MYO1A: variants seen among roughly 807,000 people sequenced by gnomAD.
The protein encoded by MYO1A is myosin IA.
In MYO1A, 127 loss-of-function variants were observed where a neutral mutation model predicts 138.5. That is an observed-to-expected ratio of 0.92 (90% confidence interval 0.79 to 1.06). The LOEUF (loss-of-function observed/expected upper bound fraction) is 1.06. Ranked by LOEUF, MYO1A falls within the 50% of genes least tolerant of loss-of-function variation. MYO1A has a pLI of 0.00. For synonymous variants in MYO1A, 477 were observed against 497.5 expected, an observed-to-expected ratio of 0.96 and a Z score of 0.55; for missense variants, 1,211 against 1,288.8, an observed-to-expected ratio of 0.94 and a Z score of 0.92.
Position 57,031,021 on chromosome 12 carries a change from G to A in MYO1A, c.2484+19C>T, listed in dbSNP as rs755331612. 6.2e-6 allele frequency: 10 copies of A among 1,612,226 alleles called. No individual in the cohort carries two copies. The Admixed American group carries it at 1.7e-4, about 27-fold the overall frequency. ...AAAAAAAGACGAAATGAGAGGAGGG[G>A]TGCCTGGGCTCCACTTGCCTTCCAC... On this transcript the variant is annotated intron_variant, in intron 23 of 27. Coordinates refer to ENST00000300119, the MANE Select transcript of MYO1A (RefSeq NM_005379.4).
At chr12:57,037,116 C>A (rs373818047) in intron 19 of MYO1A, 25 bp from the exon 20 acceptor site, 1 of 1,613,568 alleles carries the variant, frequency 6.2e-7, no homozygotes, top group Non-Finnish European at 8.5e-7. Flanking sequence ...AAGGGGGTGA[C>A]AGAGAGACTG....
intron 14 of MYO1A, 118 bp from the exon 15 acceptor site, chr12:57,039,392 A>T: frequency 1.2e-6 from 1 of 801,610 alleles, no homozygotes; most frequent in Non-Finnish European, 2.2e-6. Context: ...CATAGTTCAC[A>T]GGGGTCCTTG....
Position 57,038,559 on chromosome 12 carries a change from G to A in MYO1A, c.1613C>T (p.Ala538Val). ...FRDLLQAMWK[A>V]QHPLLRSLFP... The stretch of plus-strand genomic sequence containing the variant: ...CAAGGACCGAAGGAGGGGGTGCTGG[G>A]CCTTCCACATGGCCTGCAACAGGTC... The change falls in exon 17 of 28, where the codon GCC becomes GTC. Residue 538 changes from alanine to valine, a missense_variant. Physicochemically the swap from Ala to Val is moderately conservative, Grantham distance 64 (BLOSUM62 0). Coordinates refer to ENST00000300119, the MANE Select transcript of MYO1A (RefSeq NM_005379.4). The A allele has an allele frequency of 6.2e-7, 1 of 1,614,156 alleles. No homozygotes were observed. The highest frequency in any genetic ancestry group is 8.5e-7 in the Non-Finnish European group (1 of 1,180,016).
At chr12:57,041,323 C>T (rs766011250) in intron 13 of MYO1A, 35 bp from the exon 14 acceptor site, 2 of 1,600,136 alleles carry the variant, frequency 1.2e-6, no homozygotes, top group Non-Finnish European at 1.7e-6. Flanking sequence ...GAGCTCACTC[C>T]AAGACTGTTT....
Position 57,029,482 on chromosome 12 carries a change from A to C in MYO1A, c.2830T>G (p.Ser944Ala), listed in dbSNP as rs774295122. ...VIGLDNVAGV[S>A]VTSLKDGLFS... ...AGCCCATCCTTGAGGCTGGTGACTG[A>C]CACCCCAGCCACATTGTCTAGCCCA... The change falls in exon 26 of 28, where the codon TCA (serine) becomes GCA (alanine). Residue 944 changes from serine (S) to alanine (A), a missense_variant. Coordinates refer to ENST00000300119, the MANE Select transcript of MYO1A (RefSeq NM_005379.4). The C allele has an allele frequency of 9.9e-6, 16 of 1,614,004 alleles. No homozygotes were observed. Among genetic ancestry groups the C allele is most frequent in the Admixed American group, 5.0e-5 (3 of 59,998 alleles).
At position 57,028,820 on chromosome 12, in the gene MYO1A, C is replaced by G; in HGVS notation, c.3067G>C (p.Gly1023Arg). 1 of 1,614,076 alleles carries G rather than the reference C, an allele frequency of 6.2e-7. No homozygotes were observed. Among genetic ancestry groups the G allele is most frequent in the Non-Finnish European group, 8.5e-7 (1 of 1,180,008 alleles). Residue 1023 changes from glycine (G) to arginine (R), a missense_variant, in exon 28 of 28, where the codon GGT (glycine) becomes CGT (arginine). Gly to Arg is a moderately radical substitution (Grantham distance 125, BLOSUM62 -2). Transcript: ENST00000300119. ...AVKVVQGPAG[G>R]DNSKLRYKKK... ...TTGTAGCGTAGCTTGCTGTTGTCAC[C>G]ACCTGCAGGGCCCTGGACGACCTTG...
chr12:57,036,829 G>T lies in MYO1A; in HGVS notation c.2217C>A (p.Cys739Ter). 2.5e-6 allele frequency: 4 copies of T among 1,614,170 alleles called. No individual in the cohort carries two copies. Among genetic ancestry groups the T allele is most frequent in the Non-Finnish European group, 3.4e-6 (4 of 1,180,038 alleles). The part of the protein sequence containing the change: ...SWFRGNMQKK[C>*]YGKIKASVLL... Reference sequence around the variant, plus strand: ...ACACGGATGCCTTTATCTTCCCATAGCATTTCTTTTGCTGTAGAAAACATA... The same window carrying T: ...ACACGGATGCCTTTATCTTCCCATATCATTTCTTTTGCTGTAGAAAACATA... The change falls in exon 21 of 28, where the codon TGC becomes TGA. Residue 739 changes from cysteine to a stop codon, truncating the protein, a stop_gained. Coordinates refer to ENST00000300119, the MANE Select transcript of MYO1A (RefSeq NM_005379.4). LOFTEE classifies it high-confidence loss of function.
At chr12:57,041,553 G>T (rs1406160723) in intron 12 of MYO1A, 56 bp from the exon 13 acceptor site, 3 of 1,471,502 alleles carry the variant, frequency 2.0e-6, no homozygotes, top group Non-Finnish European at 2.9e-6. Context: ...CACCAGGCCA[G>T]GTCCTTCTGG....
chr12:57,041,395 C>T (rs778937010), intron 13 of MYO1A, 37 bp downstream of exon 13: 1 of 1,603,732 alleles, frequency 6.2e-7, no homozygotes, highest in Non-Finnish European at 8.5e-7. Context: ...CACCTCTAAT[C>T]CTAGGGGAGC....
chr12:57,041,627 ATTG>A, intron 12 of MYO1A, 130 bp from the exon 13 acceptor site: 6 of 767,988 alleles, frequency 7.8e-6, no homozygotes, highest in Non-Finnish European at 4.7e-6. Context: ...CTGGAAAGGA[ATTG>A]TTGTGATTTT....
In MYO1A at chr12:57,031,102, C is replaced by T. The variant is rs769645609; in HGVS notation, c.2422G>A (p.Ala808Thr). The T allele has an allele frequency of 9.8e-5, 158 of 1,613,902 alleles. No individual in the cohort carries two copies. Among genetic ancestry groups the T allele is most frequent in the Admixed American group, 1.2e-4 (7 of 59,996 alleles). ...GCTGTGCTGAGGCACTTGTAGGGGG[C>T]GGCTGGCCATGTCTTGTCTAAGACG... ...TNVLDKTWPA[A>T]PYKCLSTANQ... The change falls in exon 23 of 28, where the codon GCC (alanine) becomes ACC (threonine). Residue 808 changes from alanine to threonine, a missense_variant. By Grantham distance (58) the Ala-to-Thr change is moderately conservative (BLOSUM62 0). Transcript: ENST00000300119.
At chr12:57,046,712 CCT>C in intron 7 of MYO1A, 62 bp from the exon 8 acceptor site, 1 of 1,499,372 alleles carries the variant, frequency 6.7e-7, no homozygotes, top group Non-Finnish European at 9.3e-7. Context: ...CTTCTCCAGC[CCT>C]ACTGGAGAAT....
intron 22 of MYO1A, among the ~76,000 whole-genome samples, chr12:57,032,854 A>G (rs1333386134): frequency 6.6e-6 from 1 of 152,230 alleles, no homozygotes; most frequent in Non-Finnish European, 1.5e-5. Context: ...TAAAAATTCA[A>G]TATAGCTTAT....
In MYO1A at chr12:57,036,977, G is replaced by C. The variant is rs376482282; in HGVS notation, c.2170C>G (p.Gln724Glu). The change falls in exon 20 of 28, where the codon CAG becomes GAG. Residue 724 changes from glutamine (Q) to glutamate (E), a missense_variant. Coordinates refer to ENST00000300119, the MANE Select transcript of MYO1A (RefSeq NM_005379.4). Reference protein sequence around the residue: ...RTHYQLMRKSQILISSWFRGN... With the variant: ...RTHYQLMRKSEILISSWFRGN... Reference sequence around the variant, plus strand: ...CGAAACCAAGAGGAGATGAGGATCTGACTCTTTCGCATCAGTTGGTAGTGG... The same window carrying C: ...CGAAACCAAGAGGAGATGAGGATCTCACTCTTTCGCATCAGTTGGTAGTGG... 4.2e-5 allele frequency: 68 copies of C among 1,614,084 alleles called. No individual in the cohort carries two copies. Among genetic ancestry groups the C allele is most frequent in the Non-Finnish European group, 5.3e-5 (63 of 1,180,042 alleles).
At chr12:57,042,738 A>G (rs960829996) in intron 12 of MYO1A, among the ~76,000 whole-genome samples, 3 of 152,150 alleles carry the variant, frequency 2.0e-5, no homozygotes, top group African/African-American at 7.2e-5. Context: ...GATTACAGGC[A>G]TGGACCACCA....
intron 7 of MYO1A, 28 bp from the exon 8 acceptor site, chr12:57,046,678 C>T: frequency 6.3e-7 from 1 of 1,595,594 alleles, no homozygotes; most frequent in Non-Finnish European, 8.6e-7. Context: ...AAATAATATC[C>T]TGAGGGCCTG....
At chr12:57,044,458 A>G (rs1354655787) in intron 8 of MYO1A, among the ~76,000 whole-genome samples, 1 of 152,130 alleles carries the variant, frequency 6.6e-6, no homozygotes, top group East Asian at 1.9e-4. Flanking sequence ...GTGCGATCTC[A>G]GCTCACTGCA....
Position 57,028,761 on chromosome 12 carries a change from C to T in MYO1A, c.3126G>A (p.Val1042=). The T allele has an allele frequency of 6.2e-7, 1 of 1,614,110 alleles. No individual in the cohort carries two copies. Among genetic ancestry groups the T allele is most frequent in the Non-Finnish European group, 8.5e-7 (1 of 1,179,976 alleles). Residue 1042 remains valine (V), a synonymous_variant, in exon 28 of 28, where the codon GTG becomes GTA. Coordinates refer to ENST00000300119, the MANE Select transcript of MYO1A (RefSeq NM_005379.4). ...KKGSHCLEVT[V]Q is the part of the protein sequence containing the mutation. ...TCTGCATGGTGCCCCCTCCTCACTG[C>T]ACAGTCACCTCCAAGCAATGACTCC...
chr12:57,028,894 C>T lies in MYO1A; in HGVS notation c.3006-13G>A, dbSNP rs961685802. On this transcript the variant is annotated splice_polypyrimidine_tract_variant and intron_variant, in intron 27 of 27. Transcript: ENST00000300119. ...CCTCACTGAGAACCTGGAGAGGGAACAGAAAACCAAGTCTAGTGCCCATCC... is the reference window on the plus strand; with the variant it reads ...CCTCACTGAGAACCTGGAGAGGGAATAGAAAACCAAGTCTAGTGCCCATCC... The T allele has an allele frequency of 6.2e-7, 1 of 1,613,642 alleles. No individual in the cohort carries two copies. Among genetic ancestry groups the T allele is most frequent in the African/African-American group, 1.3e-5 (1 of 74,856 alleles).
Sources: allele counts gnomAD v4.1 joint callset (sites outside exome capture counted in the v4.1 genomes callset), GRCh38; gene constraint gnomAD v4.1.1; transcripts MANE v1.5; gene names NCBI Gene and HGNC (gene_info 2026-07-23, HGNC 2026-07-21).